WASHC5: variants seen among roughly 807,000 people sequenced by gnomAD.
WASHC5 encodes WASH complex subunit 5.
In WASHC5, 101 loss-of-function variants were observed where a neutral mutation model predicts 150.4. The observed-to-expected ratio is 0.67, with a 90% confidence interval of 0.57 to 0.79. The LOEUF (loss-of-function observed/expected upper bound fraction) is 0.79, where lower values mean the gene tolerates loss of function less well. Among genes scored for constraint, WASHC5 ranks in the 30% least tolerant of loss-of-function variants. The pLI, the probability that WASHC5 is intolerant of heterozygous loss-of-function variation, is 0.00. For missense variants in WASHC5, 1,195 were observed against 1,396.3 expected (o/e 0.86, Z 2.30); for synonymous variants, 467 against 491.2 (o/e 0.95, Z 0.65).
intron 17 of WASHC5, among the ~76,000 whole-genome samples, chr8:125,051,039 G>A (rs10089792): frequency 0.11 from 16,571 of 152,028 alleles, 2,101 homozygotes; most frequent in African/African-American, 0.31. Context: ...CAGGATGAAG[G>A]ACCTATGACT....
At chr8:125,089,734 C>T (rs1817540049) in intron 1 of WASHC5, among the ~76,000 whole-genome samples, 1 of 152,216 alleles carries the variant, frequency 6.6e-6, no homozygotes, top group African/African-American at 2.4e-5. Flanking sequence ...TCTGGGATAA[C>T]GACAGAGATC....
Position 125,076,360 on chromosome 8 carries a change from A to G in WASHC5, c.852T>C (p.Phe284=), listed in dbSNP as rs766204898. Residue 284 remains phenylalanine, a synonymous_variant, in exon 7 of 29, where the codon TTT becomes TTC. Coordinates refer to ENST00000318410, the MANE Select transcript of WASHC5 (RefSeq NM_014846.4). ...AKMREIVDKY[F]PDNWVISIYM... is the part of the protein sequence containing the mutation. ...TAGCAATACTTGCCCAATTATCTGG[A>G]AAGTATTTATCCACTATCTCTCTCA... 1.2e-6 allele frequency: 2 copies of G among 1,613,886 alleles called. No individual in the cohort carries two copies. Among genetic ancestry groups the G allele is most frequent in the Admixed American group, 1.7e-5 (1 of 60,010 alleles).
chr8:125,047,379 C>T (rs752324982), intron 19 of WASHC5, 48 bp from the exon 20 acceptor site: 1 of 1,540,420 alleles, frequency 6.5e-7, no homozygotes, highest in Non-Finnish European at 9.0e-7. Flanking sequence ...ATAAGATAAC[C>T]TAGTTATCCC....
At chr8:125,068,207 A>T (rs1816803847) in intron 9 of WASHC5, among the ~76,000 whole-genome samples, 1 of 152,218 alleles carries the variant, frequency 6.6e-6, no homozygotes, top group Non-Finnish European at 1.5e-5. Flanking sequence ...AATTTCACGA[A>T]GAGCTGCCAT....
At chr8:125,048,609 G>A (rs59472229) in intron 19 of WASHC5, among the ~76,000 whole-genome samples, 2,565 of 152,276 alleles carry the variant, frequency 0.017, 85 homozygotes, top group African/African-American at 0.058. Flanking sequence ...AAATGGTGCC[G>A]TTACCGTGGA....
chr8:125,090,687 T>G (rs958839588), intron 1 of WASHC5, among the ~76,000 whole-genome samples: 69 of 152,206 alleles, frequency 4.5e-4, no homozygotes, highest in African/African-American at 1.6e-3. Flanking sequence ...GAGTACAGAA[T>G]AATATTTCTT....
rs779238609 is a variant in WASHC5, at chr8:125,044,714, T to G, written c.2505-16A>C. ...ACATGTCATTCTAAAATGAAAACAA[T>G]GCAAAAACCCCAGAATGGCTCAGAA... On this transcript the variant is annotated splice_polypyrimidine_tract_variant and intron_variant, in intron 20 of 28. Transcript: ENST00000318410. 2.5e-6 allele frequency: 4 copies of G among 1,613,276 alleles called. No homozygotes were observed. Among genetic ancestry groups the G allele is most frequent in the Non-Finnish European group, 3.4e-6 (4 of 1,179,650 alleles).
In WASHC5 at chr8:125,057,643, G is replaced by C. The variant is rs750716937; in HGVS notation, c.1788C>G (p.Pro596=). 3 of 1,613,526 alleles carry C rather than the reference G, an allele frequency of 1.9e-6. No homozygotes were observed. Among genetic ancestry groups the C allele is most frequent in the Admixed American group, 1.7e-5 (1 of 59,990 alleles). Residue 596 remains proline, a synonymous_variant, in exon 15 of 29, where the codon CCC becomes CCG. Coordinates refer to ENST00000318410, the MANE Select transcript of WASHC5 (RefSeq NM_014846.4). The part of the protein sequence containing the change: ...FLKLASALDL[P]LLRINQANSP... ...TATTTGCCTGATTAATACGAAGAAG[G>C]GGCAGATCGAGGGCAGAGGCAAGCT... is the stretch of plus-strand genomic sequence containing the variant.
intron 18 of WASHC5, 149 bp from the exon 19 acceptor site, chr8:125,049,334 A>C (rs1356399392): frequency 2.5e-6 from 2 of 807,230 alleles, no homozygotes; most frequent in African/African-American, 3.4e-5. Context: ...TTAGGCAGGA[A>C]GATCACTTGA....
At position 125,061,083 on chromosome 8, in the gene WASHC5, T is replaced by G. The variant is rs1353228237; in HGVS notation, c.1520A>C (p.Glu507Ala). The change falls in exon 12 of 29, where the codon GAG (glutamate) becomes GCG (alanine). Residue 507 changes from glutamate (E) to alanine (A), a missense_variant and splice_region_variant. Transcript: ENST00000318410. The stretch of plus-strand genomic sequence containing the variant: ...TGCATTTAAAAAGCGTTTCCTTACC[T>G]CTTCCAAAGCTTGTATCAGTTGTAC... The part of the protein sequence containing the change: ...KTVQLIQALE[E>A]VQEFHQLESN... 1.3e-6 allele frequency: 2 copies of G among 1,578,516 alleles called. No homozygotes were observed. The highest frequency in any genetic ancestry group is 3.3e-5 in the Admixed American group (2 of 59,948).
chr8:125,045,825 T>A (rs1305287572), intron 20 of WASHC5, among the ~76,000 whole-genome samples: 1 of 152,202 alleles, frequency 6.6e-6, no homozygotes, highest in African/African-American at 2.4e-5. Flanking sequence ...ATAAAATTCA[T>A]ATATGATGTG....
In WASHC5 at chr8:125,043,809, C is replaced by T; in HGVS notation, c.2850+16G>A. The T allele has an allele frequency of 6.4e-7, 1 of 1,571,862 alleles. No individual in the cohort carries two copies. The highest frequency in any genetic ancestry group is 8.8e-7 in the Non-Finnish European group (1 of 1,141,548). ...AATGTAAGTATTGACTGTACACCCT[C>T]TCTTCTACAACATACCTTCATTATA... On this transcript the variant is annotated intron_variant, in intron 23 of 28. Coordinates refer to ENST00000318410, the MANE Select transcript of WASHC5 (RefSeq NM_014846.4).
chr8:125,037,953 C>G (rs780684371), intron 25 of WASHC5, among the ~76,000 whole-genome samples: 1 of 152,126 alleles, frequency 6.6e-6, no homozygotes, highest in Non-Finnish European at 1.5e-5. Flanking sequence ...GGGTAGCACA[C>G]GGGTCAGAAG....
At chr8:125,077,989 G>C (rs1407048666) in intron 6 of WASHC5, among the ~76,000 whole-genome samples, 1 of 152,116 alleles carries the variant, frequency 6.6e-6, no homozygotes, top group African/African-American at 2.4e-5. Flanking sequence ...CTAAAGAACT[G>C]CACAGATCAG....
chr8:125,039,016 A>C (rs1383491492), intron 24 of WASHC5, 57 bp from the exon 25 acceptor site: 1 of 1,542,262 alleles, frequency 6.5e-7, no homozygotes, highest in Non-Finnish European at 9.0e-7. Context: ...TTTATACAAG[A>C]GTTAATATAG....
intron 1 of WASHC5, among the ~76,000 whole-genome samples, chr8:125,086,792 G>T (rs1022322428): frequency 3.3e-5 from 5 of 152,296 alleles, no homozygotes; most frequent in Admixed American, 2.6e-4. Flanking sequence ...TATCTTGCTA[G>T]AGAGATCACA....
At chr8:125,083,654 C>A in intron 2 of WASHC5, 59 bp downstream of exon 2, 2 of 1,375,332 alleles carry the variant, frequency 1.5e-6, no homozygotes, top group Non-Finnish European at 2.0e-6. Flanking sequence ...TCATGGTTCC[C>A]AGAGAAAACA....
chr8:125,040,208 A>T (rs941607340), intron 23 of WASHC5, among the ~76,000 whole-genome samples: 1 of 152,138 alleles, frequency 6.6e-6, no homozygotes, highest in Non-Finnish European at 1.5e-5. Context: ...TTTTGAAGCT[A>T]TATTTTTAAC....
At chr8:125,081,224 A>G (rs1212132266) in intron 5 of WASHC5, among the ~76,000 whole-genome samples, 2 of 150,816 alleles carry the variant, frequency 1.3e-5, no homozygotes, top group African/African-American at 2.4e-5. Flanking sequence ...CTCACAAGAC[A>G]TAAGAATCTT....
Sources: gnomAD v4.1 joint callset for allele counts (sites outside exome capture counted in the v4.1 genomes callset) on GRCh38, gnomAD v4.1.1 for gene constraint, MANE v1.5 for transcripts, NCBI Gene and HGNC (gene_info 2026-07-23, HGNC 2026-07-21) for gene names.